PRKCZ: variants seen among roughly 807,000 people sequenced by gnomAD.
The protein encoded by PRKCZ is protein kinase C zeta type.
A neutral mutation model predicts 79.5 loss-of-function variants in PRKCZ; 33 were observed. The ratio of observed to expected loss-of-function variants is 0.41; its 90% confidence interval spans 0.31 to 0.55. The LOEUF (loss-of-function observed/expected upper bound fraction) is 0.55. PRKCZ is among the 20% of genes least tolerant of loss of function. The pLI is 0.19. For missense variants in PRKCZ, 578 were observed against 813.5 expected, an observed-to-expected ratio of 0.71 and a Z score of 3.52; for synonymous variants, 342 against 320.9, an observed-to-expected ratio of 1.07 and a Z score of -0.70.
chr1:2,090,657 G>A, intron 4 of PRKCZ, among the ~76,000 whole-genome samples: 1 of 152,186 alleles, frequency 6.6e-6, no homozygotes. Flanking sequence ...TCCCACAGCC[G>A]CGTGCCCCTC....
intron 4 of PRKCZ, among the ~76,000 whole-genome samples, chr1:2,081,136 A>G (rs927829963): frequency 2.2e-4 from 33 of 152,236 alleles, no homozygotes; most frequent in African/African-American, 7.5e-4. Flanking sequence ...GAGGAGCTAC[A>G]TACGTGATGT....
chr1:2,088,300 T>G (rs977132228), intron 4 of PRKCZ, among the ~76,000 whole-genome samples: 1 of 152,038 alleles, frequency 6.6e-6, no homozygotes, highest in Non-Finnish European at 1.5e-5. Flanking sequence ...GTGCGCCCCA[T>G]GGGGTCTGCA....
chr1:2,101,168 A>G (rs1457592213), intron 4 of PRKCZ, among the ~76,000 whole-genome samples: 13 of 152,172 alleles, frequency 8.5e-5, no homozygotes, highest in Non-Finnish European at 1.6e-4. Flanking sequence ...AGTTCTGACA[A>G]CTGGAGACTT....
intron 4 of PRKCZ, among the ~76,000 whole-genome samples, chr1:2,087,981 C>T (rs952186932): frequency 1.9e-4 from 29 of 152,220 alleles, no homozygotes; most frequent in Non-Finnish European, 3.5e-4. Flanking sequence ...GTGCCTGGCG[C>T]GTGCTGGCCG....
At chr1:2,070,633 C>T (rs1409426614) in intron 4 of PRKCZ, among the ~76,000 whole-genome samples, 1 of 151,990 alleles carries the variant, frequency 6.6e-6, no homozygotes, top group East Asian at 1.9e-4. Context: ...TCTCCCGGGC[C>T]GGTGGTCCTG....
chr1:2,099,829 G>C (rs1046292087), intron 4 of PRKCZ, among the ~76,000 whole-genome samples: 1 of 152,204 alleles, frequency 6.6e-6, no homozygotes. Context: ...AGTCCGTGTC[G>C]TGCTAAAGCA....
chr1:2,073,998 CT>C, intron 4 of PRKCZ: 1 of 1,417,866 alleles, frequency 7.1e-7, no homozygotes. Context: ...GCTGCAGGCC[CT>C]GTGCGTGCGG....
intron 9 of PRKCZ, among the ~76,000 whole-genome samples, chr1:2,155,517 G>T (rs1288754114): frequency 6.6e-6 from 1 of 151,848 alleles, no homozygotes; most frequent in Non-Finnish European, 1.5e-5. Context: ...GATGGTGGTG[G>T]GGGTAGATGG....
intron 4 of PRKCZ, chr1:2,074,270 C>T (rs1002249436): frequency 5.2e-5 from 80 of 1,549,434 alleles, no homozygotes; most frequent in African/African-American, 1.9e-4. Flanking sequence ...ACCCCGAGGA[C>T]GGATGGTGTG....
At chr1:2,051,769 C>T (rs13303022) in intron 1 of PRKCZ, among the ~76,000 whole-genome samples, 88,495 of 151,746 alleles carry the variant, frequency 0.58, 26,210 homozygotes, top group East Asian at 0.84. Context: ...GTTCAGCTTC[C>T]TGCGAACCTT....
chr1:2,050,812 G>C, intron 1 of PRKCZ, 111 bp downstream of exon 1: 1 of 698,902 alleles, frequency 1.4e-6, no homozygotes, highest in Non-Finnish European at 2.0e-6. Flanking sequence ...CGGCGAGGTC[G>C]CTGCGGGCCC....
At chr1:2,108,634 T>C (rs1046738335) in intron 4 of PRKCZ, among the ~76,000 whole-genome samples, 8 of 152,188 alleles carry the variant, frequency 5.3e-5, no homozygotes, top group Non-Finnish European at 7.4e-5. Flanking sequence ...CCCAGGACTC[T>C]TGAGTAGTTG....
intron 4 of PRKCZ, among the ~76,000 whole-genome samples, chr1:2,062,224 C>CA (rs1307076935): frequency 6.6e-6 from 1 of 152,110 alleles, no homozygotes; most frequent in Admixed American, 6.6e-5. Flanking sequence ...AAAATATATT[C>CA]AAAAAGGGAA....
chr1:2,105,212 AC>A (rs1267117504), intron 4 of PRKCZ, among the ~76,000 whole-genome samples: 2 of 152,092 alleles, frequency 1.3e-5, no homozygotes, highest in Non-Finnish European at 2.9e-5. Flanking sequence ...TGCGCTGTGT[AC>A]CGGCACTGCC....
chr1:2,097,504 G>A (rs905702792), intron 4 of PRKCZ, among the ~76,000 whole-genome samples: 14 of 152,216 alleles, frequency 9.2e-5, no homozygotes, highest in Non-Finnish European at 1.6e-4. Flanking sequence ...CCTTGGACCC[G>A]GTGAGCCAGT....
chr1:2,073,704 C>G (rs1025757998), intron 4 of PRKCZ: 3 of 993,920 alleles, frequency 3.0e-6, no homozygotes, highest in South Asian at 4.5e-5. Flanking sequence ...GGGTACCACC[C>G]GGGCCTGGAG....
intron 4 of PRKCZ, among the ~76,000 whole-genome samples, chr1:2,126,975 C>T (rs1674036311): frequency 6.6e-6 from 1 of 152,256 alleles, no homozygotes; most frequent in Admixed American, 6.5e-5. Context: ...TCCGTGTGTC[C>T]CACGTGCCTA....
chr1:2,170,720 A>G (rs944348127), intron 11 of PRKCZ, among the ~76,000 whole-genome samples: 1 of 152,164 alleles, frequency 6.6e-6, no homozygotes, highest in Non-Finnish European at 1.5e-5. Context: ...CGAGGACTCT[A>G]GGGACCTCAT....
chr1:2,056,963 C>T (rs879733933), intron 3 of PRKCZ, among the ~76,000 whole-genome samples: 37 of 152,018 alleles, frequency 2.4e-4, no homozygotes, highest in Non-Finnish European at 4.0e-4. Context: ...CTCCTGACCT[C>T]GTGATCTGCC....
Sources: gnomAD v4.1 joint callset for allele counts (sites outside exome capture counted in the v4.1 genomes callset) on GRCh38, gnomAD v4.1.1 for gene constraint, MANE v1.5 for transcripts, NCBI Gene and HGNC (gene_info 2026-07-23, HGNC 2026-07-21) for gene names.